The following EPHA5 variants were observed in gnomAD, a reference collection of about 807,000 sequenced individuals.
EPHA5 encodes the protein ephrin type-A receptor 5.
In EPHA5, 60 loss-of-function variants were observed where a neutral mutation model predicts 105.0. The ratio of observed to expected loss-of-function variants is 0.57; its 90% confidence interval spans 0.46 to 0.71. The LOEUF is 0.71. Among genes scored for constraint, EPHA5 ranks in the 30% least tolerant of loss-of-function variants. The probability of loss-of-function intolerance (pLI) is 0.00; values close to 1 mark genes in which losing one functional copy is unlikely to be tolerated. For synonymous variants in EPHA5, 513 were observed against 449.1 expected (o/e 1.14, Z -1.80); for missense variants, 1,218 against 1,274.7 (o/e 0.96, Z 0.68).
chr4:65,449,659 C>G (rs908004534), intron 5 of EPHA5, among the ~76,000 whole-genome samples: 1 of 152,120 alleles, frequency 6.6e-6, no homozygotes, highest in East Asian at 1.9e-4. Context: ...AATCCCATTA[C>G]TCGTGAAGTT....
intron 2 of EPHA5, among the ~76,000 whole-genome samples, chr4:65,626,656 G>T (rs139009226): frequency 6.6e-6 from 1 of 152,126 alleles, no homozygotes; most frequent in Non-Finnish European, 1.5e-5. Flanking sequence ...TGGCCATTAC[G>T]TATAGTTTCA....
intron 8 of EPHA5, among the ~76,000 whole-genome samples, chr4:65,368,651 A>G (rs1718159282): frequency 6.6e-6 from 1 of 152,192 alleles, no homozygotes; most frequent in Admixed American, 6.6e-5. Context: ...TCTACTAGAC[A>G]TGGCTATAGC....
At chr4:65,457,307 TGGTGTC>T (rs1727694019) in intron 5 of EPHA5, among the ~76,000 whole-genome samples, 1 of 151,998 alleles carries the variant, frequency 6.6e-6, no homozygotes, top group South Asian at 2.1e-4. Context: ...TACTTAAACT[TGGTGTC>T]CTCGCCTGTT....
chr4:65,320,015 A>G lies in EPHA5; in HGVS notation c.*4099T>C, dbSNP rs552153674. 3.0e-5 allele frequency: 7 copies of G among 230,298 alleles called. No individual in the cohort carries two copies. In the South Asian group the frequency reaches 9.1e-4, roughly 30 times the overall value. 14.3% of individuals were successfully genotyped at this position (230,298 alleles called of 1,614,324 possible). The stretch of plus-strand genomic sequence containing the variant: ...CCATTAACGTTTAGAAGAAACAAAC[A>G]ACATTTGATTCTGATTATTATAAAC... On this transcript the variant is annotated 3_prime_UTR_variant, in exon 17 of 17. Coordinates refer to ENST00000613740, the MANE Select transcript of EPHA5 (RefSeq NM_001281766.3).
intron 3 of EPHA5, among the ~76,000 whole-genome samples, chr4:65,566,309 G>A (rs1739528665): frequency 1.3e-5 from 2 of 151,648 alleles, no homozygotes; most frequent in South Asian, 4.1e-4. Context: ...TGGTAGATGT[G>A]TATAGATATT....
intron 8 of EPHA5, among the ~76,000 whole-genome samples, chr4:65,387,331 A>G (rs1720202049): frequency 6.6e-6 from 1 of 151,948 alleles, no homozygotes; most frequent in Non-Finnish European, 1.5e-5. Context: ...TTGGAAACTG[A>G]TAGGAACAAA....
intron 3 of EPHA5, among the ~76,000 whole-genome samples, chr4:65,597,713 G>A (rs976749222): frequency 5.9e-5 from 9 of 152,136 alleles, no homozygotes; most frequent in African/African-American, 2.2e-4. Flanking sequence ...ATAGAAATGA[G>A]TATTTTGTTA....
intron 5 of EPHA5, among the ~76,000 whole-genome samples, chr4:65,425,542 T>C (rs1553914034): frequency 6.6e-6 from 1 of 152,124 alleles, no homozygotes; most frequent in Non-Finnish European, 1.5e-5. Flanking sequence ...TGGAATCATT[T>C]TGTCAGTAAA....
chr4:65,504,006 A>G (rs964546925), intron 3 of EPHA5, among the ~76,000 whole-genome samples: 8 of 151,730 alleles, frequency 5.3e-5, no homozygotes, highest in African/African-American at 1.7e-4. Context: ...TAATGTGTAT[A>G]TATGTAATAT....
chr4:65,330,771 C>T, intron 16 of EPHA5: 1 of 1,024,160 alleles, frequency 9.8e-7, no homozygotes, highest in South Asian at 4.6e-5. Context: ...CAAATGGGTT[C>T]CTTGAGTGTC....
chr4:65,590,917 C>T (rs892467033), intron 3 of EPHA5, among the ~76,000 whole-genome samples: 1 of 152,048 alleles, frequency 6.6e-6, no homozygotes, highest in South Asian at 2.1e-4. Context: ...TGTTTTTACA[C>T]TGTACAAGGT....
At chr4:65,585,212 G>T (rs928879497) in intron 3 of EPHA5, among the ~76,000 whole-genome samples, 3 of 151,366 alleles carry the variant, frequency 2.0e-5, no homozygotes, top group African/African-American at 7.3e-5. Context: ...TATAGAATTT[G>T]CTATAAATGA....
Position 65,490,567 on chromosome 4 carries a change from C to G in EPHA5, c.1212G>C (p.Val404=), listed in dbSNP as rs1731305642. The G allele has an allele frequency of 6.2e-7, 1 of 1,614,140 alleles. No individual in the cohort carries two copies. The highest frequency in any genetic ancestry group is 1.3e-5 in the African/African-American group (1 of 75,034). Residue 404 remains valine (V), a synonymous_variant, in exon 5 of 17, where the codon GTG becomes GTC. Transcript: ENST00000613740. ...TGACATGACCGCCACACTCCTCACA[C>G]ACACCTGCATGGGAGTTGCACTTCT... The part of the protein sequence containing the change: ...ACKKCNSHAG[V]CEECGGHVRY...
chr4:65,510,602 G>T (rs1040240081), intron 3 of EPHA5, among the ~76,000 whole-genome samples: 2 of 152,146 alleles, frequency 1.3e-5, no homozygotes, highest in African/African-American at 4.8e-5. Flanking sequence ...GAATGTGTAT[G>T]TGTGTGAGTA....
intron 3 of EPHA5, among the ~76,000 whole-genome samples, chr4:65,574,719 TAC>T (rs1243376198): frequency 3.2e-3 from 244 of 76,794 alleles, no homozygotes; most frequent in African/African-American, 7.2e-3. Context: ...CATATATATA[TAC>T]ATATATATAC....
At chr4:65,356,264 A>T (rs1451176) in intron 11 of EPHA5, among the ~76,000 whole-genome samples, 1 of 151,346 alleles carries the variant, frequency 6.6e-6, no homozygotes, top group African/African-American at 2.4e-5. Context: ...ATATTTTAGG[A>T]TCTCTTTTTA....
intron 3 of EPHA5, among the ~76,000 whole-genome samples, chr4:65,546,514 T>G (rs1021556436): frequency 2.6e-5 from 4 of 152,038 alleles, no homozygotes; most frequent in Non-Finnish European, 5.9e-5. Flanking sequence ...TGGTTCTTGT[T>G]TTTTTCTCAA....
At chr4:65,596,372 A>G (rs1157568325) in intron 3 of EPHA5, among the ~76,000 whole-genome samples, 1 of 152,130 alleles carries the variant, frequency 6.6e-6, no homozygotes, top group Non-Finnish European at 1.5e-5. Context: ...TAAACAGTCT[A>G]CAGTGAACAA....
At chr4:65,570,129 A>G (rs1739969462) in intron 3 of EPHA5, among the ~76,000 whole-genome samples, 1 of 151,720 alleles carries the variant, frequency 6.6e-6, no homozygotes, top group Non-Finnish European at 1.5e-5. Context: ...AGTTCAGAGA[A>G]GTTCTTCCCA....
Sources: gnomAD v4.1 joint callset for allele counts (sites outside exome capture counted in the v4.1 genomes callset) on GRCh38, gnomAD v4.1.1 for gene constraint, MANE v1.5 for transcripts, NCBI Gene and HGNC (gene_info 2026-07-23, HGNC 2026-07-21) for gene names.